The following NAV2 variants were observed in gnomAD, a reference collection of about 807,000 sequenced individuals.
NAV2 encodes neuron navigator 2, also known as helicase, APC down-regulated 1.
A neutral mutation model predicts 223.2 loss-of-function variants in NAV2; 54 were observed. The ratio of observed to expected loss-of-function variants is 0.24; its 90% CI spans 0.19 to 0.30. The LOEUF (loss-of-function observed/expected upper bound fraction) is 0.30. NAV2 is among the 10% of genes least tolerant of loss of function. The pLI is 1.00. For synonymous variants in NAV2, 1,279 were observed against 1,239.3 expected (o/e 1.03, Z -0.67); for missense variants, 2,806 against 3,147.5 (o/e 0.89, Z 2.60).
At chr11:19,512,534 G>A (rs774343988) in intron 1 of NAV2, among the ~76,000 whole-genome samples, 1 of 152,292 alleles carries the variant, frequency 6.6e-6, no homozygotes, top group Admixed American at 6.5e-5. Flanking sequence ...CCTGCTGGTA[G>A]GCTAAAACCA....
chr11:19,833,659 G>A (rs1392755411), intron 2 of NAV2, among the ~76,000 whole-genome samples: 1 of 152,152 alleles, frequency 6.6e-6, no homozygotes, highest in South Asian at 2.1e-4. Flanking sequence ...TTATCTCACA[G>A]CTTTTGTGCA....
chr11:19,931,592 A>AT (rs1302578770), intron 6 of NAV2, among the ~76,000 whole-genome samples: 79 of 144,526 alleles, frequency 5.5e-4, no homozygotes, highest in African/African-American at 1.7e-3. Context: ...GAACATAGGT[A>AT]TTTAAAAAAA....
At chr11:20,097,442 C>T (rs1158199283) in intron 30 of NAV2, 135 bp from the exon 31 acceptor site, 1 of 690,510 alleles carries the variant, frequency 1.4e-6, no homozygotes, top group South Asian at 2.6e-5. Flanking sequence ...TTCTCCCCCT[C>T]ATCCCACAGC....
chr11:19,606,225 T>C (rs1482363500), intron 1 of NAV2, among the ~76,000 whole-genome samples: 2 of 152,214 alleles, frequency 1.3e-5, no homozygotes, highest in Non-Finnish European at 2.9e-5. Context: ...TGAGCCTACT[T>C]ACTGGTTTGT....
At chr11:19,809,794 C>T (rs572596117) in intron 1 of NAV2, among the ~76,000 whole-genome samples, 20 of 151,996 alleles carry the variant, frequency 1.3e-4, no homozygotes, top group African/African-American at 4.6e-4. Flanking sequence ...CGCTATTGCC[C>T]CCCAATTGGG....
chr11:19,880,206 A>T (rs1426329114), intron 5 of NAV2, 79 bp downstream of exon 5: 2 of 1,453,322 alleles, frequency 1.4e-6, no homozygotes, highest in Non-Finnish European at 1.8e-6. Flanking sequence ...GCTATCCTGT[A>T]TGGCTTTTTC....
intron 1 of NAV2, among the ~76,000 whole-genome samples, chr11:19,823,175 G>A (rs535003065): frequency 1.5e-4 from 23 of 152,204 alleles, no homozygotes; most frequent in African/African-American, 5.5e-4. Flanking sequence ...CTCTTGAGTA[G>A]CTGGAACCAC....
intron 7 of NAV2, among the ~76,000 whole-genome samples, chr11:19,934,612 C>A (rs1010319282): frequency 6.6e-6 from 1 of 152,072 alleles, no homozygotes; most frequent in Non-Finnish European, 1.5e-5. Flanking sequence ...AGGGTGGGGG[C>A]GGTTTGGTGT....
Position 19,978,960 on chromosome 11 carries a change from A to G in NAV2, c.2646-5165A>G, listed in dbSNP as rs576610131. 2.0e-5 allele frequency: 3 copies of G among 152,358 alleles called. No homozygotes were observed. The East Asian group carries it at 5.8e-4, about 29-fold the overall frequency. 9.4% of individuals were successfully genotyped at this position (152,358 alleles called of 1,614,324 possible). ...GGAAGAAATCTGTTTACTAAATGTT[A>G]GACTTGAAGTCTGGAGTATTTGTTC... On this transcript the variant is annotated intron_variant, in intron 10 of 37. Transcript: ENST00000349880.
chr11:19,751,646 C>T (rs1232503095), intron 1 of NAV2, among the ~76,000 whole-genome samples: 1 of 152,154 alleles, frequency 6.6e-6, no homozygotes, highest in Non-Finnish European at 1.5e-5. Flanking sequence ...CTTGACCAAC[C>T]CATCTAAACT....
chr11:19,494,280 A>G (rs1044357297), intron 1 of NAV2, among the ~76,000 whole-genome samples: 6 of 152,208 alleles, frequency 3.9e-5, no homozygotes, highest in African/African-American at 1.4e-4. Flanking sequence ...TTAATTGTCT[A>G]GGGACTCAGG....
intron 1 of NAV2, chr11:19,502,866 G>A (rs187616389): frequency 1.6e-4 from 25 of 152,262 alleles, no homozygotes; most frequent in Admixed American, 4.6e-4. Context: ...TTCAAATAGC[G>A]GAGAATACAA....
rs763688396 is a variant in NAV2, at chr11:20,062,297, C to A, written c.4832-10C>A. The A allele has an allele frequency of 6.3e-7, 1 of 1,577,870 alleles. No individual in the cohort carries two copies. Among genetic ancestry groups the A allele is most frequent in the Admixed American group, 1.8e-5 (1 of 54,664 alleles). ...ATCTATCAATTCACCTTTTTTTTTT[C>A]TTTTAATAGTTCATGGATCCTCACT... is the stretch of plus-strand genomic sequence containing the variant. On this transcript the variant is annotated splice_polypyrimidine_tract_variant and intron_variant, in intron 19 of 37. Coordinates refer to ENST00000349880, the MANE Select transcript of NAV2 (RefSeq NM_145117.5).
upstream of NAV2, among the ~76,000 whole-genome samples, chr11:19,349,597 G>A (rs1266276622): frequency 6.6e-6 from 1 of 152,154 alleles, no homozygotes; most frequent in Non-Finnish European, 1.5e-5. Context: ...ACAAATGCTG[G>A]CAAGACTAGT....
intron 1 of NAV2, among the ~76,000 whole-genome samples, chr11:19,461,058 G>T (rs1852140249): frequency 1.3e-5 from 2 of 152,206 alleles, no homozygotes; most frequent in Non-Finnish European, 2.9e-5. Context: ...CAGAGTTCAG[G>T]TGCTGCAGTT....
upstream of NAV2, among the ~76,000 whole-genome samples, chr11:19,346,318 G>A (rs1853003513): frequency 6.6e-6 from 1 of 152,250 alleles, no homozygotes; most frequent in Non-Finnish European, 1.5e-5. Flanking sequence ...GTCCATACGT[G>A]TGTATGTGTT....
Position 20,093,158 on chromosome 11 carries a change from A to G in NAV2, c.5875A>G (p.Lys1959Glu). Residue 1959 changes from lysine (K) to glutamate (E), a missense_variant, in exon 29 of 38, where the codon AAG becomes GAG. Transcript: ENST00000349880. ...TCGGAAGGAAGGAGGCAGGCATGTT[A>G]AGATAGTTGTCAGCTTTCAGGAGGA... The part of the protein sequence containing the change: ...SARKEGGRHV[K>E]IVVSFQEEMK... 1.9e-6 allele frequency: 3 copies of G among 1,614,038 alleles called. No homozygotes were observed. Among genetic ancestry groups the G allele is most frequent in the Non-Finnish European group, 2.5e-6 (3 of 1,179,962 alleles).
chr11:19,488,318 G>A (rs1028151132), intron 1 of NAV2, among the ~76,000 whole-genome samples: 81 of 152,274 alleles, frequency 5.3e-4, no homozygotes, highest in African/African-American at 1.8e-3. Flanking sequence ...TTTATTAGTC[G>A]CAATAACACT....
intron 1 of NAV2, among the ~76,000 whole-genome samples, chr11:19,673,689 T>C (rs937947523): frequency 1.3e-5 from 2 of 152,238 alleles, no homozygotes; most frequent in Non-Finnish European, 2.9e-5. Flanking sequence ...CCTTGTCTTC[T>C]GGTTTTGTTT....
Sources: gnomAD v4.1 joint callset for allele counts (sites outside exome capture counted in the v4.1 genomes callset) on GRCh38, gnomAD v4.1.1 for gene constraint, MANE v1.5 for transcripts, NCBI Gene and HGNC (gene_info 2026-07-23, HGNC 2026-07-21) for gene names.